Variants in MYH10 observed in about 807,000 individuals in gnomAD.
MYH10 encodes myosin-10.
Under a neutral mutation model 257.8 loss-of-function variants are expected in MYH10, and 55 were observed. That is an observed-to-expected ratio of 0.21 (90% CI 0.17 to 0.27). The LOEUF is 0.27. Ranked by LOEUF, MYH10 falls within the 10% of genes least tolerant of loss-of-function variation. MYH10 has a pLI of 1.00. For missense variants in MYH10, 1,631 were observed against 2,500.6 expected, an observed-to-expected ratio of 0.65 and a Z score of 7.42; for synonymous variants, 854 against 921.7, an observed-to-expected ratio of 0.93 and a Z score of 1.33.
chr17:8,476,414 C>T (rs1912618175), intron 42 of MYH10, among the ~76,000 whole-genome samples: 1 of 152,170 alleles, frequency 6.6e-6, no homozygotes, highest in African/African-American at 2.4e-5. Context: ...TGTGCTGAAA[C>T]CTCCGCCGAC....
rs767871974 is a variant in MYH10 at position 8,493,929 on chromosome 17, A to G, written c.4057-44T>C. 1.0e-5 allele frequency: 16 copies of G among 1,567,134 alleles called. No individual in the cohort carries two copies. In the East Asian group the frequency reaches 3.1e-4, roughly 31 times the overall value. On this transcript the variant is annotated intron_variant, in intron 31 of 42. Coordinates refer to ENST00000360416, the MANE Select transcript of MYH10 (RefSeq NM_001256012.3). ...GGGCAACACTTCCATTACATTTATC[A>G]CCAAAACAAATACACCTGTATTAAA...
chr17:8,561,052 T>C (rs1262923275), intron 7 of MYH10: 1 of 578,950 alleles, frequency 1.7e-6, no homozygotes, highest in African/African-American at 1.9e-5. Context: ...GCTCACAATA[T>C]CCTGTAATCT....
chr17:8,601,717 T>A (rs1367906994), intron 3 of MYH10, among the ~76,000 whole-genome samples: 1 of 152,226 alleles, frequency 6.6e-6, no homozygotes, highest in Non-Finnish European at 1.5e-5. Context: ...GTCTAAGAAC[T>A]CTGCTTTCAT....
chr17:8,619,862 T>C (rs1247835994), intron 2 of MYH10, among the ~76,000 whole-genome samples: 2 of 151,796 alleles, frequency 1.3e-5, no homozygotes, highest in Non-Finnish European at 2.9e-5. Context: ...GAGGCGGAGG[T>C]TGCGATGAGC....
At chr17:8,533,824 C>G (rs2082069463) in intron 16 of MYH10, among the ~76,000 whole-genome samples, 1 of 152,166 alleles carries the variant, frequency 6.6e-6, no homozygotes, top group South Asian at 2.1e-4. Context: ...TAAGACCTTA[C>G]AAGGGTATCC....
intron 7 of MYH10, chr17:8,560,438 C>T (rs1171800713): frequency 2.4e-5 from 9 of 381,560 alleles, no homozygotes; most frequent in East Asian, 1.2e-4. Context: ...TTGTAGTCAT[C>T]GCTGCCACCT....
chr17:8,502,353 T>C (rs1177677232), intron 28 of MYH10, among the ~76,000 whole-genome samples: 1 of 152,192 alleles, frequency 6.6e-6, no homozygotes, highest in Non-Finnish European at 1.5e-5. Flanking sequence ...CAAGTTCCAC[T>C]GGCTCAGCCA....
chr17:8,491,379 GGC>G (rs1317202780), intron 34 of MYH10, among the ~76,000 whole-genome samples: 2 of 152,160 alleles, frequency 1.3e-5, no homozygotes, highest in African/African-American at 4.8e-5. Context: ...GTGTAACCAT[GGC>G]CACTTCTACT....
At chr17:8,575,780 G>A (rs2083477275) in intron 6 of MYH10, among the ~76,000 whole-genome samples, 1 of 152,162 alleles carries the variant, frequency 6.6e-6, no homozygotes, top group African/African-American at 2.4e-5. Flanking sequence ...TTAAATCCAA[G>A]TATAGATGTC....
rs2082129955 is a variant in MYH10, at chr17:8,536,025, T to C, written c.1606-94A>G. The C allele has an allele frequency of 3.4e-6, 4 of 1,186,786 alleles. No homozygotes were observed. The South Asian group carries it at 4.7e-5, about 14-fold the overall frequency. The allele number at this position is 1,186,786 out of a possible 1,614,324, so 73.5% of individuals were successfully genotyped here. The stretch of plus-strand genomic sequence containing the variant: ...TAAACTTCTAAAACAATTAGTTTTA[T>C]GAAGATCCATGGAAAACAAATTGCT... On this transcript the variant is annotated intron_variant, in intron 14 of 42. Transcript: ENST00000360416.
In MYH10 at chr17:8,545,615, C is replaced by T; in HGVS notation, c.1279-15G>A. 6.2e-7 allele frequency: 1 copy of T among 1,605,990 alleles called. No homozygotes were observed. The highest frequency in any genetic ancestry group is 8.5e-7 in the Non-Finnish European group (1 of 1,177,310). On this transcript the variant is annotated splice_polypyrimidine_tract_variant and intron_variant, in intron 12 of 42. Coordinates refer to ENST00000360416, the MANE Select transcript of MYH10 (RefSeq NM_001256012.3). The surrounding 1 kb of genome is among the most constrained non-coding windows in gnomAD (Gnocchi z 4.7). The stretch of plus-strand genomic sequence containing the variant: ...GCAAAATCTGCCTGTAATTAAATCA[C>T]AACAACCTTTTATTCTGGAAACAAT...
At chr17:8,510,205 AT>A (rs1054831812) in intron 24 of MYH10, among the ~76,000 whole-genome samples, 18 of 151,620 alleles carry the variant, frequency 1.2e-4, no homozygotes, top group African/African-American at 4.4e-4. Flanking sequence ...CGCCCGGCTA[AT>A]TTTTTGATTT....
chr17:8,556,619 G>A (rs1055509053), intron 7 of MYH10, among the ~76,000 whole-genome samples: 3 of 152,240 alleles, frequency 2.0e-5, no homozygotes, highest in African/African-American at 7.2e-5. Flanking sequence ...GGGGCAGGAG[G>A]AGGGAACTGA....
intron 19 of MYH10, among the ~76,000 whole-genome samples, chr17:8,519,993 G>A (rs751046481): frequency 1.3e-4 from 19 of 151,990 alleles, no homozygotes; most frequent in Non-Finnish European, 2.5e-4. Context: ...CTAAAAGACT[G>A]TAATTGCACG....
chr17:8,492,398 C>G lies in MYH10; in HGVS notation c.4570G>C (p.Glu1524Gln). 1 of 1,613,622 alleles carries G rather than the reference C, an allele frequency of 6.2e-7. No homozygotes were observed. The highest frequency in any genetic ancestry group is 1.1e-5 in the South Asian group (1 of 91,084). Residue 1524 changes from glutamate (E) to glutamine (Q), a missense_variant, in exon 34 of 43, where the codon GAG becomes CAG. Transcript: ENST00000360416. ...TCCTCCTTGGCCTCCAGGGCTTCCT[C>G]GAGGGCCCGGGCCAGTGACAGGGCT... is the stretch of plus-strand genomic sequence containing the variant. ...TKALSLARAL[E>Q]EALEAKEEFE... is the part of the protein sequence containing the mutation.
In MYH10 at chr17:8,594,889, T is replaced by C. The variant is rs142637562; in HGVS notation, c.503-5781A>G. 3.0e-4 allele frequency among the ~76,000 whole-genome samples: 45 copies of C among 152,348 alleles called. No individual in the cohort carries two copies. The East Asian group carries it at 4.6e-3, about 16-fold the overall frequency. On this transcript the variant is annotated intron_variant, in intron 3 of 42. Coordinates refer to ENST00000360416, the MANE Select transcript of MYH10 (RefSeq NM_001256012.3). Reference sequence around the variant, plus strand: ...AAAAGAACAAAAGTCTGTCTGTACATCTTCAGTACAGGCGCAACCATCCAT... The same window carrying C: ...AAAAGAACAAAAGTCTGTCTGTACACCTTCAGTACAGGCGCAACCATCCAT...
intron 21 of MYH10, 111 bp from the exon 22 acceptor site, chr17:8,514,005 T>A: frequency 2.2e-6 from 2 of 920,820 alleles, no homozygotes; most frequent in Non-Finnish European, 3.3e-6. Context: ...GGATAGGGAA[T>A]GATTGCATCA....
rs2081649804 is a variant in MYH10, at chr17:8,521,380, G to A, written c.1958-95C>T. The A allele has an allele frequency of 9.7e-6, 13 of 1,343,382 alleles. No individual in the cohort carries two copies. The South Asian group carries it at 1.5e-4, about 16-fold the overall frequency. The allele number at this position is 1,343,382 out of a possible 1,614,324, so 83.2% of individuals were successfully genotyped here. On this transcript the variant is annotated intron_variant, in intron 17 of 42. Coordinates refer to ENST00000360416, the MANE Select transcript of MYH10 (RefSeq NM_001256012.3). ...GTGAAAGTGCAGCAGCACAAGCTTTGTGGAACAAATGACAGGAGATGCCAT... is the reference window on the plus strand; with the variant it reads ...GTGAAAGTGCAGCAGCACAAGCTTTATGGAACAAATGACAGGAGATGCCAT...
rs116128289 is a variant in MYH10, at chr17:8,558,341, G to A, written c.757-4323C>T. 6.3e-3 allele frequency among the ~76,000 whole-genome samples: 961 copies of A among 152,260 alleles called. 6 individuals are homozygous for A. The highest frequency in any genetic ancestry group is 0.022 in the African/African-American group (928 of 41,548). On this transcript the variant is annotated intron_variant, in intron 7 of 42. Coordinates refer to ENST00000360416, the MANE Select transcript of MYH10 (RefSeq NM_001256012.3). ...GTGCACTTCCACACATAGCACAGAG[G>A]TGCTATGGGAACATAGAGAAAGGAG...
Sources: gnomAD v4.1 joint callset for allele counts (sites outside exome capture counted in the v4.1 genomes callset) on GRCh38, gnomAD v4.1.1 for gene constraint, Gnocchi (gnomAD v3.1) non-coding constraint, MANE v1.5 for transcripts, NCBI Gene and HGNC (gene_info 2026-07-23, HGNC 2026-07-21) for gene names.